POC1A: variants seen among roughly 807,000 people sequenced by gnomAD.
POC1A encodes the protein POC1 centriolar protein homolog A.
A neutral mutation model predicts 47.8 loss-of-function variants in POC1A; 34 were observed. The observed-to-expected ratio is 0.71, with a 90% confidence interval of 0.54 to 0.95. POC1A has a LOEUF of 0.95. POC1A is among the 40% of genes least tolerant of loss of function. POC1A has a pLI of 0.00. For synonymous variants in POC1A, 177 were observed against 207.6 expected (o/e 0.85, Z 1.27); for missense variants, 466 against 528.3 (o/e 0.88, Z 1.16).
intron 9 of POC1A, among the ~76,000 whole-genome samples, chr3:52,106,191 A>G (rs1016581356): frequency 7.9e-5 from 12 of 151,558 alleles, no homozygotes; most frequent in African/African-American, 2.9e-4. Context: ...AAAAAAAAAA[A>G]AAAAAAAAAA....
rs909951008 is a variant in POC1A at position 52,079,444 on chromosome 3, C to T, written c.1126-3459G>A. ...AGCGCTCTGCAGGCAAATACCTCTG[C>T]GGCCTCCCCGGGTCCACACTCCATG... On this transcript the variant is annotated intron_variant, in intron 10 of 10. Coordinates refer to ENST00000296484, the MANE Select transcript of POC1A (RefSeq NM_015426.5). The surrounding 1 kb of genome is among the most constrained non-coding windows in gnomAD (Gnocchi z 4.6). Among the ~76,000 whole-genome samples the T allele has an allele frequency of 5.3e-5, 8 of 152,326 alleles. No individual in the cohort carries two copies. In the South Asian group the frequency reaches 8.3e-4, roughly 16 times the overall value.
rs1008383035 is a variant in POC1A, at chr3:52,090,045, T to C, written c.1125+6524A>G. ...CCCCAAAGCAAACAGGCAAAAATCC[T>C]TGGCCTTGTTGAGTTAGGACAGCAA... is the stretch of plus-strand genomic sequence containing the variant. On this transcript the variant is annotated intron_variant, in intron 10 of 10. Coordinates refer to ENST00000296484, the MANE Select transcript of POC1A (RefSeq NM_015426.5). The surrounding 1 kb of genome is among the most constrained non-coding windows in gnomAD (Gnocchi z 4.2). Among the ~76,000 whole-genome samples, 5 of 152,186 alleles carry C rather than the reference T, an allele frequency of 3.3e-5. No homozygotes were observed. Among genetic ancestry groups the C allele is most frequent in the African/African-American group, 9.7e-5 (4 of 41,436 alleles).
rs147760588 is a variant in POC1A at position 52,087,907 on chromosome 3, C to T, written c.1125+8662G>A. Reference sequence around the variant, plus strand: ...AGCCAAGTGTCTGACCGGGATAGGCCCCAAGGTGTAGGACACCAGTCATGC... The same window carrying T: ...AGCCAAGTGTCTGACCGGGATAGGCTCCAAGGTGTAGGACACCAGTCATGC... On this transcript the variant is annotated intron_variant, in intron 10 of 10. Coordinates refer to ENST00000296484, the MANE Select transcript of POC1A (RefSeq NM_015426.5). 3.4e-3 allele frequency among the ~76,000 whole-genome samples: 523 copies of T among 152,210 alleles called. 3 individuals are homozygous for T. Among genetic ancestry groups the T allele is most frequent in the Middle Eastern group, 0.01 (3 of 294 alleles).
intron 10 of POC1A, among the ~76,000 whole-genome samples, chr3:52,087,735 G>T (rs925995813): frequency 6.6e-6 from 1 of 152,164 alleles, no homozygotes; most frequent in Admixed American, 6.5e-5. Context: ...ATAAAAAGTG[G>T]GTCCACTCAG....
intron 4 of POC1A, 127 bp from the exon 5 acceptor site, chr3:52,147,222 G>A: frequency 1.5e-6 from 1 of 647,064 alleles, no homozygotes; most frequent in Non-Finnish European, 2.7e-6. Context: ...GGGGTCACAT[G>A]CCCTGCTGTG....
intron 9 of POC1A, among the ~76,000 whole-genome samples, chr3:52,115,925 A>G (rs1224585861): frequency 6.6e-6 from 1 of 152,212 alleles, no homozygotes. Flanking sequence ...AGTATAATGT[A>G]CATTATTTGG....
intron 10 of POC1A, among the ~76,000 whole-genome samples, chr3:52,091,090 C>T (rs898044639): frequency 1.3e-5 from 2 of 152,168 alleles, no homozygotes; most frequent in Non-Finnish European, 2.9e-5. Flanking sequence ...CCAACTTTCT[C>T]AGAAGACTTG....
chr3:52,137,360 A>C (rs1006297942), intron 7 of POC1A, among the ~76,000 whole-genome samples: 2 of 152,178 alleles, frequency 1.3e-5, no homozygotes, highest in Non-Finnish European at 2.9e-5. Context: ...TGATAGTCCA[A>C]GACACATAAG....
At chr3:52,153,031 G>T (rs1231305145) in intron 1 of POC1A, among the ~76,000 whole-genome samples, 5 of 152,152 alleles carry the variant, frequency 3.3e-5, no homozygotes, top group Non-Finnish European at 7.4e-5. Flanking sequence ...GAGAAGAAAT[G>T]GTATGACTGT....
chr3:52,088,615 G>C (rs1043303616), intron 10 of POC1A, among the ~76,000 whole-genome samples: 1 of 152,138 alleles, frequency 6.6e-6, no homozygotes, highest in African/African-American at 2.4e-5. Context: ...GCTGTGGCTT[G>C]CTTAATCTCA....
chr3:52,133,148 G>A (rs1704298615), intron 7 of POC1A, among the ~76,000 whole-genome samples: 1 of 152,154 alleles, frequency 6.6e-6, no homozygotes, highest in African/African-American at 2.4e-5. Context: ...CCCTCATGAA[G>A]GGGATTAGGT....
chr3:52,091,229 G>C (rs1460149428), intron 10 of POC1A, among the ~76,000 whole-genome samples: 4 of 152,044 alleles, frequency 2.6e-5, no homozygotes, highest in Non-Finnish European at 4.4e-5. Context: ...TGAGGGAGAG[G>C]CGTGCGATCT....
chr3:52,149,789 C>G, intron 3 of POC1A, 27 bp downstream of exon 3: 1 of 1,600,300 alleles, frequency 6.2e-7, no homozygotes, highest in South Asian at 1.1e-5. Context: ...CAGACTCCAA[C>G]AAGCCTCCTC....
intron 7 of POC1A, among the ~76,000 whole-genome samples, chr3:52,133,335 G>A (rs1248563579): frequency 2.0e-5 from 3 of 152,208 alleles, no homozygotes; most frequent in Admixed American, 6.5e-5. Flanking sequence ...ATCTGGAACT[G>A]AGAAATAACT....
rs1012400529 is a variant in POC1A at position 52,084,617 on chromosome 3, T to A, written c.1126-8632A>T. Among the ~76,000 whole-genome samples, 4 of 152,222 alleles carry A rather than the reference T, an allele frequency of 2.6e-5. No individual in the cohort carries two copies. The highest frequency in any genetic ancestry group is 9.6e-5 in the African/African-American group (4 of 41,456). On this transcript the variant is annotated intron_variant, in intron 10 of 10. Coordinates refer to ENST00000296484, the MANE Select transcript of POC1A (RefSeq NM_015426.5). This position sits in a 1 kb window ranked among gnomAD's most constrained non-coding sequence, Gnocchi z 4.3. ...AGGGTGGCCAGATCCTTAAAAATAC[T>A]TCTCCAAGTGCAGGCTTCACTCGAG...
intron 3 of POC1A, 38 bp from the exon 4 acceptor site, chr3:52,149,427 A>G (rs765354355): frequency 1.3e-6 from 2 of 1,594,696 alleles, no homozygotes; most frequent in South Asian, 2.2e-5. Context: ...GAAACCCATA[A>G]CAGTGACATG....
Position 52,088,630 on chromosome 3 carries a change from G to A in POC1A, c.1125+7939C>T, listed in dbSNP as rs934848785. Among the ~76,000 whole-genome samples the A allele has an allele frequency of 5.9e-5, 9 of 152,118 alleles. No homozygotes were observed. The East Asian group carries it at 1.2e-3, about 20-fold the overall frequency. On this transcript the variant is annotated intron_variant, in intron 10 of 10. Transcript: ENST00000296484. ...GCTGTGGCTTGCTTAATCTCAGAGC[G>A]GTGCAGGCCAGTTTGGGGCTCCTGT...
chr3:52,099,180 A>G (rs1702915179), intron 9 of POC1A, among the ~76,000 whole-genome samples: 1 of 152,184 alleles, frequency 6.6e-6, no homozygotes, highest in Non-Finnish European at 1.5e-5. Flanking sequence ...CAGGCCCTCC[A>G]CAAACACTCA....
intron 9 of POC1A, among the ~76,000 whole-genome samples, chr3:52,106,468 A>G (rs564425650): frequency 6.6e-6 from 1 of 152,322 alleles, no homozygotes; most frequent in East Asian, 1.9e-4. Context: ...GGCTGCACTG[A>G]GCTATAATCC....
Sources: gnomAD v4.1 joint callset for allele counts (sites outside exome capture counted in the v4.1 genomes callset) on GRCh38, gnomAD v4.1.1 for gene constraint, Gnocchi (gnomAD v3.1) non-coding constraint, MANE v1.5 for transcripts, NCBI Gene and HGNC (gene_info 2026-07-23, HGNC 2026-07-21) for gene names.